CCSER1: variants seen among roughly 807,000 people sequenced by gnomAD.
CCSER1 encodes serine-rich coiled-coil domain-containing protein 1.
Under a neutral mutation model 82.0 loss-of-function variants are expected in CCSER1, and 41 were observed. The observed-to-expected ratio is 0.50, with a 90% CI of 0.39 to 0.65. CCSER1 has a LOEUF of 0.65. Among genes scored for constraint, CCSER1 ranks in the 30% least tolerant of loss-of-function variants. CCSER1 has a pLI of 0.00. For synonymous variants in CCSER1, 414 were observed against 383.9 expected, an observed-to-expected ratio of 1.08 and a Z score of -0.92; for missense variants, 1,119 against 1,064.2, an observed-to-expected ratio of 1.05 and a Z score of -0.72.
At chr4:90,972,057 C>G (rs1436878958) in intron 9 of CCSER1, among the ~76,000 whole-genome samples, 1 of 151,842 alleles carries the variant, frequency 6.6e-6, no homozygotes, top group Non-Finnish European at 1.5e-5. Flanking sequence ...AAGCTCTATG[C>G]TTTTCCTCTA....
rs186458342 is a variant in CCSER1, at chr4:90,877,052, G to C, written c.2095-46318G>C. Among the ~76,000 whole-genome samples the C allele has an allele frequency of 3.3e-5, 5 of 152,114 alleles. No individual in the cohort carries two copies. In the East Asian group the frequency reaches 7.7e-4, roughly 24 times the overall value. ...AACACTTTTTTTCTTTATAGTGAGG[G>C]AAACTAAGTTTCAGAGAGTTTAAGT... On this transcript the variant is annotated intron_variant, in intron 8 of 10. Coordinates refer to ENST00000509176, the MANE Select transcript of CCSER1 (RefSeq NM_001145065.2).
chr4:90,139,151 C>T (rs1724255476), intron 1 of CCSER1, among the ~76,000 whole-genome samples: 1 of 152,078 alleles, frequency 6.6e-6, no homozygotes, highest in Non-Finnish European at 1.5e-5. Flanking sequence ...CACATCATTG[C>T]CCTAAGTTTC....
At chr4:90,280,913 G>A (rs931772274) in intron 1 of CCSER1, among the ~76,000 whole-genome samples, 59 of 151,880 alleles carry the variant, frequency 3.9e-4, no homozygotes, top group African/African-American at 1.3e-3. Context: ...AAATCACGTG[G>A]TCACATTACA....
At position 90,932,964 on chromosome 4, in the gene CCSER1, A is replaced by G. The variant is rs868584401; in HGVS notation, c.2172+9517A>G. 2.3e-3 allele frequency among the ~76,000 whole-genome samples: 107 copies of G among 46,518 alleles called. 11 individuals are homozygous for G. Among genetic ancestry groups the G allele is most frequent in the East Asian group, 0.015 (31 of 2,064 alleles). 30.5% of individuals were successfully genotyped at this position (46,518 alleles called of 152,430 possible). On this transcript the variant is annotated intron_variant, in intron 9 of 10. Transcript: ENST00000509176. The stretch of plus-strand genomic sequence containing the variant: ...AAAGAAAGAAAGAAAGAAAGAAAGA[A>G]AGAAAGAAAGAAAGAAAGAGAAAGA...
At chr4:91,009,765 G>T (rs928720221) in intron 9 of CCSER1, among the ~76,000 whole-genome samples, 2 of 151,872 alleles carry the variant, frequency 1.3e-5, no homozygotes, top group Admixed American at 1.3e-4. Context: ...AACTTAATTT[G>T]CATACAAAAC....
chr4:91,213,432 T>TA (rs1023543724), intron 10 of CCSER1, among the ~76,000 whole-genome samples: 26 of 151,978 alleles, frequency 1.7e-4, no homozygotes, highest in Middle Eastern at 6.8e-3. Context: ...GGTGATATAG[T>TA]AAAAAAAAGT....
chr4:91,050,854 C>T (rs1362716863), intron 9 of CCSER1, among the ~76,000 whole-genome samples: 1 of 152,126 alleles, frequency 6.6e-6, no homozygotes, highest in Non-Finnish European at 1.5e-5. Flanking sequence ...GTTTCTTTGC[C>T]TAATTTTGAA....
chr4:90,611,674 G>C (rs748191899), intron 5 of CCSER1, among the ~76,000 whole-genome samples: 1 of 149,546 alleles, frequency 6.7e-6, no homozygotes, highest in East Asian at 1.9e-4. Flanking sequence ...TATGAAGAAA[G>C]TTATTTCCTG....
At chr4:90,588,716 T>C (rs1304011622) in intron 5 of CCSER1, among the ~76,000 whole-genome samples, 1 of 152,176 alleles carries the variant, frequency 6.6e-6, no homozygotes, top group Non-Finnish European at 1.5e-5. Flanking sequence ...GTTTCCCCCA[T>C]ACTGTTCTCA....
At position 91,357,960 on chromosome 4, in the gene CCSER1, C is replaced by T. The variant is rs1404021246; in HGVS notation, c.2218-240612C>T. Among the ~76,000 whole-genome samples, 3 of 139,710 alleles carry T rather than the reference C, an allele frequency of 2.1e-5. No homozygotes were observed. The Admixed American group carries it at 2.3e-4, about 11-fold the overall frequency. 91.7% of individuals were successfully genotyped at this position (139,710 alleles called of 152,430 possible). On this transcript the variant is annotated intron_variant, in intron 10 of 10. Coordinates refer to ENST00000509176, the MANE Select transcript of CCSER1 (RefSeq NM_001145065.2). The stretch of plus-strand genomic sequence containing the variant: ...TTTCTTTATGTCTTTGGGACTAAGG[C>T]CACAAGATTAGAAGTTACCATAATA...
chr4:91,046,965 C>A (rs2148698954), intron 9 of CCSER1, among the ~76,000 whole-genome samples: 1 of 152,214 alleles, frequency 6.6e-6, no homozygotes, highest in South Asian at 2.1e-4. Context: ...ATCTACCCTC[C>A]TCAGCCTCCC....
At chr4:91,013,047 G>T (rs1343529314) in intron 9 of CCSER1, among the ~76,000 whole-genome samples, 1 of 134,348 alleles carries the variant, frequency 7.4e-6, no homozygotes, top group Non-Finnish European at 1.7e-5. Flanking sequence ...CTCCTTTGAT[G>T]TACTCCAGTG....
intron 7 of CCSER1, among the ~76,000 whole-genome samples, chr4:90,791,819 C>CA (rs35331482): frequency 0.019 from 2,431 of 125,932 alleles, 47 homozygotes; most frequent in African/African-American, 0.048. Context: ...GAGACTGTCT[C>CA]AAAAAAAAAA....
At chr4:90,637,676 A>G (rs1312790697) in intron 6 of CCSER1, among the ~76,000 whole-genome samples, 2 of 152,142 alleles carry the variant, frequency 1.3e-5, no homozygotes, top group Non-Finnish European at 2.9e-5. Context: ...ACTCAAGTAT[A>G]GTTTTCCATT....
At chr4:91,438,246 C>A (rs1754820153) in intron 10 of CCSER1, among the ~76,000 whole-genome samples, 1 of 152,210 alleles carries the variant, frequency 6.6e-6, no homozygotes, top group South Asian at 2.1e-4. Context: ...TAGGGGCAGA[C>A]TGACACCTCA....
chr4:90,360,871 A>G (rs985911075), intron 3 of CCSER1, among the ~76,000 whole-genome samples: 2 of 152,204 alleles, frequency 1.3e-5, no homozygotes, highest in African/African-American at 4.8e-5. Context: ...AGACATTTCA[A>G]GCAGTACTCA....
chr4:90,208,083 T>C (rs1739249606), intron 1 of CCSER1, among the ~76,000 whole-genome samples: 1 of 152,214 alleles, frequency 6.6e-6, no homozygotes, highest in Non-Finnish European at 1.5e-5. Flanking sequence ...TTAAGTCTGC[T>C]GAAGCTGCGC....
intron 9 of CCSER1, among the ~76,000 whole-genome samples, chr4:91,045,553 A>G (rs1415340760): frequency 6.6e-6 from 1 of 152,234 alleles, no homozygotes; most frequent in East Asian, 1.9e-4. Flanking sequence ...GCACCTGGAA[A>G]AAAATCTGCA....
intron 4 of CCSER1, among the ~76,000 whole-genome samples, chr4:90,423,923 C>G (rs970045772): frequency 2.0e-5 from 3 of 151,640 alleles, no homozygotes; most frequent in African/African-American, 7.2e-5. Flanking sequence ...AACCTTGTCT[C>G]TACTAAAAAT....
Sources: allele counts gnomAD v4.1 joint callset (sites outside exome capture counted in the v4.1 genomes callset), GRCh38; gene constraint gnomAD v4.1.1; transcripts MANE v1.5; gene names NCBI Gene and HGNC (gene_info 2026-07-23, HGNC 2026-07-21).